Variants in OSBPL6 observed in about 807,000 individuals in gnomAD.
OSBPL6 encodes oxysterol-binding protein-related protein 6.
In OSBPL6, 49 loss-of-function variants were observed where a neutral mutation model predicts 125.8. That is an observed-to-expected ratio of 0.39 (90% CI 0.31 to 0.49). The LOEUF is 0.49. Ranked by LOEUF, OSBPL6 falls within the 20% of genes least tolerant of loss-of-function variation. OSBPL6 has a pLI of 0.88. For synonymous variants in OSBPL6, 394 were observed against 391.8 expected, an observed-to-expected ratio of 1.01 and a Z score of -0.07; for missense variants, 986 against 1,135.4, an observed-to-expected ratio of 0.87 and a Z score of 1.89.
chr2:178,228,261 C>A (rs62177226), intron 1 of OSBPL6, among the ~76,000 whole-genome samples: 1 of 151,512 alleles, frequency 6.6e-6, no homozygotes, highest in East Asian at 1.9e-4. Context: ...CACGGCCGGG[C>A]GCGGTGGCTC....
At chr2:178,221,209 T>A (rs976459274) in intron 1 of OSBPL6, among the ~76,000 whole-genome samples, 1 of 152,094 alleles carries the variant, frequency 6.6e-6, no homozygotes, top group African/African-American at 2.4e-5. Flanking sequence ...AGTTTAGAGA[T>A]GGCCAGAGAA....
intron 3 of OSBPL6, among the ~76,000 whole-genome samples, chr2:178,313,970 A>G (rs1687519079): frequency 6.6e-6 from 1 of 152,240 alleles, no homozygotes; most frequent in Non-Finnish European, 1.5e-5. Flanking sequence ...GTCTCTCATC[A>G]ACATCTATCC....
At chr2:178,250,564 A>C (rs1210388843) in intron 1 of OSBPL6, among the ~76,000 whole-genome samples, 2 of 152,162 alleles carry the variant, frequency 1.3e-5, no homozygotes, top group Non-Finnish European at 2.9e-5. Context: ...TTGCCTTCCC[A>C]GCCTTACTTT....
chr2:178,388,856 A>T (rs1695167917), intron 20 of OSBPL6, among the ~76,000 whole-genome samples, 153 bp from the exon 21 acceptor site: 1 of 152,212 alleles, frequency 6.6e-6, no homozygotes, highest in South Asian at 2.1e-4. Context: ...CCACATCGTA[A>T]ATACTTAATG....
rs568807795 is a variant in OSBPL6, at chr2:178,349,397, C to G, written c.1153+8C>G. On this transcript the variant is annotated splice_region_variant and intron_variant, in intron 12 of 24. Coordinates refer to ENST00000190611, the MANE Select transcript of OSBPL6 (RefSeq NM_032523.4). ...GTCTAATCGCACAGAAAGGTAAGAA[C>G]AAAAATAATGCGCCCTTTAAAGAAG... 1 of 1,612,554 alleles carries G rather than the reference C, an allele frequency of 6.2e-7. No homozygotes were observed. The highest frequency in any genetic ancestry group is 1.1e-5 in the South Asian group (1 of 90,910).
At chr2:178,377,621 A>T (rs931091466) in intron 15 of OSBPL6, among the ~76,000 whole-genome samples, 2 of 152,148 alleles carry the variant, frequency 1.3e-5, no homozygotes, top group South Asian at 2.1e-4. Context: ...GGCTCAAGCT[A>T]CGTATCCTGC....
At chr2:178,218,336 G>C (rs1228814194) in intron 1 of OSBPL6, among the ~76,000 whole-genome samples, 1 of 151,258 alleles carries the variant, frequency 6.6e-6, no homozygotes, top group Non-Finnish European at 1.5e-5. Context: ...TTTCTGCCTG[G>C]CCTCTCTTGT....
intron 16 of OSBPL6, 191 bp from the exon 17 acceptor site, chr2:178,382,833 A>G: frequency 1.4e-6 from 2 of 1,390,346 alleles, no homozygotes; most frequent in South Asian, 1.6e-5. Context: ...CCTTATTTAT[A>G]AAACTATACA....
intron 20 of OSBPL6, among the ~76,000 whole-genome samples, chr2:178,388,770 A>G (rs922216530): frequency 1.3e-5 from 2 of 152,226 alleles, no homozygotes; most frequent in Non-Finnish European, 2.9e-5. Flanking sequence ...GAAAAGCAGG[A>G]ACCAGGCCCT....
chr2:178,207,422 C>T (rs745899520), intron 1 of OSBPL6, among the ~76,000 whole-genome samples: 1 of 152,172 alleles, frequency 6.6e-6, no homozygotes, highest in Non-Finnish European at 1.5e-5. Flanking sequence ...ATAAGCACCT[C>T]CTCTCAGTAT....
intron 1 of OSBPL6, among the ~76,000 whole-genome samples, chr2:178,229,496 C>T (rs1236452057): frequency 6.6e-6 from 1 of 152,198 alleles, no homozygotes; most frequent in Non-Finnish European, 1.5e-5. Context: ...TCCCTACCCC[C>T]AGACCAGCAG....
rs966700603 is a variant in OSBPL6 at position 178,396,693 on chromosome 2, A to C, written c.*1134A>C. On this transcript the variant is annotated 3_prime_UTR_variant, in exon 25 of 25. Transcript: ENST00000190611. ...GAATTCTATGCAAAATCATATTTCAAATTTTCATCAAGTGATTCCATATGG... is the reference window on the plus strand; with the variant it reads ...GAATTCTATGCAAAATCATATTTCACATTTTCATCAAGTGATTCCATATGG... 6.6e-6 allele frequency: 1 copy of C among 152,254 alleles called. No individual in the cohort carries two copies. The highest frequency in any genetic ancestry group is 2.1e-4 in the South Asian group (1 of 4,830). 9.4% of individuals were successfully genotyped at this position (152,254 alleles called of 1,614,324 possible). A position where few individuals can be genotyped will look rare whatever the true frequency, so the allele number is the denominator to read the frequency against.
intron 11 of OSBPL6, among the ~76,000 whole-genome samples, chr2:178,348,658 T>C (rs1270157130): frequency 6.6e-6 from 1 of 152,252 alleles, no homozygotes; most frequent in Non-Finnish European, 1.5e-5. Context: ...ATCATATATA[T>C]TTCATTTACT....
chr2:178,241,758 A>G (rs138791034), intron 1 of OSBPL6, among the ~76,000 whole-genome samples: 147 of 152,322 alleles, frequency 9.7e-4, no homozygotes, highest in Admixed American at 2.7e-3. Flanking sequence ...CCAAGTTAAA[A>G]TAATTGCCTT....
upstream of OSBPL6, among the ~76,000 whole-genome samples, chr2:178,193,995 C>G (rs1245643748): frequency 2.0e-5 from 3 of 152,236 alleles, no homozygotes; most frequent in Non-Finnish European, 4.4e-5. Flanking sequence ...GGTTTGGCAG[C>G]CCCGAGCGGA....
At chr2:178,361,557 T>G (rs1559293647) in intron 12 of OSBPL6, 125 bp from the exon 13 acceptor site, 3 of 1,083,946 alleles carry the variant, frequency 2.8e-6, no homozygotes, top group African/African-American at 1.6e-5. Context: ...TGATTTTTAA[T>G]TAGACTATTA....
chr2:178,331,674 A>T, intron 6 of OSBPL6, 69 bp downstream of exon 6: 1 of 1,503,972 alleles, frequency 6.6e-7, no homozygotes, highest in Non-Finnish European at 9.3e-7. Context: ...AAACACTGTA[A>T]TTGTACAAGC....
intron 2 of OSBPL6, among the ~76,000 whole-genome samples, chr2:178,290,028 C>T (rs1379052786): frequency 6.6e-6 from 1 of 152,154 alleles, no homozygotes; most frequent in Non-Finnish European, 1.5e-5. Flanking sequence ...CATCCTGATC[C>T]CCCTGTTCTA....
intron 1 of OSBPL6, among the ~76,000 whole-genome samples, chr2:178,260,317 C>T (rs915231830): frequency 2.0e-5 from 3 of 151,860 alleles, no homozygotes; most frequent in Admixed American, 2.0e-4. Context: ...TCTAATTATC[C>T]CATTTTTGGC....
Sources: allele counts gnomAD v4.1 joint callset (sites outside exome capture counted in the v4.1 genomes callset), GRCh38; gene constraint gnomAD v4.1.1; transcripts MANE v1.5; gene names NCBI Gene and HGNC (gene_info 2026-07-23, HGNC 2026-07-21).